CD44: variants seen among roughly 807,000 people sequenced by gnomAD.
CD44 encodes the protein CD44 antigen.
Under a neutral mutation model 88.8 loss-of-function variants are expected in CD44, and 49 were observed. The ratio of observed to expected loss-of-function variants is 0.55; its 90% CI spans 0.44 to 0.70. The LOEUF is 0.70. Among genes scored for constraint, CD44 ranks in the 30% least tolerant of loss-of-function variants. The probability of loss-of-function intolerance (pLI) is 0.00; values close to 1 mark genes in which losing one functional copy is unlikely to be tolerated. For synonymous variants in CD44, 325 were observed against 312.3 expected, an observed-to-expected ratio of 1.04 and a Z score of -0.43; for missense variants, 883 against 913.8, an observed-to-expected ratio of 0.97 and a Z score of 0.43.
chr11:35,181,929 TATATA>T (rs1945134243), intron 3 of CD44, among the ~76,000 whole-genome samples: 15 of 51,592 alleles, frequency 2.9e-4, no homozygotes, highest in Admixed American at 7.2e-4. Flanking sequence ...TATTATATTA[TATATA>T]AATTATATAT....
At chr11:35,145,221 A>G (rs528369220) in intron 1 of CD44, among the ~76,000 whole-genome samples, 1 of 152,248 alleles carries the variant, frequency 6.6e-6, no homozygotes, top group Non-Finnish European at 1.5e-5. Context: ...AACAGGGATC[A>G]TGTCACATTC....
intron 7 of CD44, among the ~76,000 whole-genome samples, chr11:35,200,855 C>A (rs542675156): frequency 6.6e-6 from 1 of 152,094 alleles, no homozygotes; most frequent in South Asian, 2.1e-4. Flanking sequence ...TGTTCTGAAC[C>A]CCAAGGTATT....
At chr11:35,189,795 T>A (rs770679783) in intron 4 of CD44, 40 bp from the exon 5 acceptor site, 2 of 1,333,832 alleles carry the variant, frequency 1.5e-6, no homozygotes, top group African/African-American at 1.5e-5. Flanking sequence ...ACTCAAAATA[T>A]GAGCTGTGAA....
chr11:35,199,894 T>C (rs917558169), intron 7 of CD44, among the ~76,000 whole-genome samples: 2 of 150,816 alleles, frequency 1.3e-5, no homozygotes, highest in African/African-American at 4.9e-5. Flanking sequence ...TGTAAATGAA[T>C]TGTATGGTCA....
chr11:35,146,777 C>A (rs1165937321), intron 1 of CD44, among the ~76,000 whole-genome samples: 1 of 152,112 alleles, frequency 6.6e-6, no homozygotes, highest in Non-Finnish European at 1.5e-5. Context: ...GAAATCCAGA[C>A]GATTGTACCT....
At chr11:35,166,158 G>A (rs918590724) in intron 1 of CD44, among the ~76,000 whole-genome samples, 1 of 152,160 alleles carries the variant, frequency 6.6e-6, no homozygotes, top group South Asian at 2.1e-4. Context: ...GTTTGTGCTA[G>A]TCAATCTGCT....
intron 3 of CD44, among the ~76,000 whole-genome samples, chr11:35,183,032 G>C (rs1254200776): frequency 6.6e-6 from 1 of 152,178 alleles, no homozygotes. Context: ...CAAGAGCATT[G>C]ATTAATTTTC....
At chr11:35,181,849 TTATATATAAA>T (rs1945060221) in intron 3 of CD44, among the ~76,000 whole-genome samples, 2 of 99,796 alleles carry the variant, frequency 2.0e-5, no homozygotes, top group African/African-American at 4.6e-5. Flanking sequence ...AAAATTATAT[TTATATATAAA>T]TTTATATATA....
intron 1 of CD44, among the ~76,000 whole-genome samples, chr11:35,176,192 G>T (rs1190086888): frequency 6.6e-6 from 1 of 152,122 alleles, no homozygotes; most frequent in African/African-American, 2.4e-5. Flanking sequence ...ACAGGCGCCC[G>T]CCACCACGCC....
chr11:35,193,267 G>A (rs1394380835), intron 5 of CD44, among the ~76,000 whole-genome samples: 1 of 152,158 alleles, frequency 6.6e-6, no homozygotes, highest in African/African-American at 2.4e-5. Context: ...AACAAAAAAA[G>A]CTTATAATGT....
intron 1 of CD44, among the ~76,000 whole-genome samples, chr11:35,170,520 C>T (rs1334311296): frequency 6.6e-6 from 1 of 152,186 alleles, no homozygotes; most frequent in Non-Finnish European, 1.5e-5. Context: ...GGGAAGTCTC[C>T]TCTCCAAATC....
chr11:35,204,657 C>A lies in CD44; in HGVS notation c.1282+17C>A, dbSNP rs764575246. 1 of 1,610,760 alleles carries A rather than the reference C, an allele frequency of 6.2e-7. No homozygotes were observed. Among genetic ancestry groups the A allele is most frequent in the Admixed American group, 1.7e-5 (1 of 59,806 alleles). On this transcript the variant is annotated intron_variant, in intron 10 of 17. Coordinates refer to ENST00000428726, the MANE Select transcript of CD44 (RefSeq NM_000610.4). ...GGACAGCTGGTAATGGATGGTTTAACAAGTAAATTTGGATGGAAACTTCCT... is the reference window on the plus strand; with the variant it reads ...GGACAGCTGGTAATGGATGGTTTAAAAAGTAAATTTGGATGGAAACTTCCT...
intron 1 of CD44, among the ~76,000 whole-genome samples, chr11:35,158,934 C>A (rs1942256208): frequency 6.6e-6 from 1 of 152,222 alleles, no homozygotes; most frequent in Admixed American, 6.5e-5. Flanking sequence ...TCAGCAGGAT[C>A]AGCCTCTTCC....
In CD44 at chr11:35,198,155, G is replaced by T. The variant is rs370026708; in HGVS notation, c.831G>T (p.Glu277Asp). 3 of 1,613,844 alleles carry T rather than the reference G, an allele frequency of 1.9e-6. No homozygotes were observed. The highest frequency in any genetic ancestry group is 2.5e-6 in the Non-Finnish European group (3 of 1,179,898). ...CAAATACCATCTCAGCAGGCTGGGA[G>T]CCAAATGAAGAAAATGAAGATGAAA... ...TSSNTISAGW[E>D]PNEENEDERD... The change falls in exon 7 of 18, where the codon GAG becomes GAT. Residue 277 changes from glutamate (E) to aspartate (D), a missense_variant. This residue lies in a region of CD44 where 631 missense variants were observed against 590.9 expected (regional missense o/e 1.07). Coordinates refer to ENST00000428726, the MANE Select transcript of CD44 (RefSeq NM_000610.4).
chr11:35,217,526 A>T (rs1948938618), intron 15 of CD44, among the ~76,000 whole-genome samples: 1 of 151,752 alleles, frequency 6.6e-6, no homozygotes, highest in South Asian at 2.1e-4. Flanking sequence ...TGTTTTGGAG[A>T]TTTGTAAAGT....
chr11:35,144,160 G>A lies in CD44; in HGVS notation c.67+4790G>A, dbSNP rs3829269. Among the ~76,000 whole-genome samples, 395 of 152,354 alleles carry A rather than the reference G, an allele frequency of 2.6e-3. 12 individuals are homozygous for A. In the East Asian group the frequency reaches 0.066, roughly 25 times the overall value. ...AAGGCTGGGGTCCCCTGATGGAGAGGAGGTGGTTGGAGATCACCTGGGCCT... is the reference window on the plus strand; with the variant it reads ...AAGGCTGGGGTCCCCTGATGGAGAGAAGGTGGTTGGAGATCACCTGGGCCT... On this transcript the variant is annotated intron_variant, in intron 1 of 17. Coordinates refer to ENST00000428726, the MANE Select transcript of CD44 (RefSeq NM_000610.4).
chr11:35,206,669 T>TTGGGG (rs1947885112), intron 11 of CD44, among the ~76,000 whole-genome samples: 3 of 146,066 alleles, frequency 2.1e-5, no homozygotes, highest in African/African-American at 5.0e-5. Flanking sequence ...TGGGGGTTGG[T>TTGGGG]GGGGGGGGCA....
intron 1 of CD44, among the ~76,000 whole-genome samples, chr11:35,154,751 CGT>C (rs1190281811): frequency 6.6e-6 from 1 of 152,132 alleles, no homozygotes; most frequent in East Asian, 1.9e-4. Flanking sequence ...TCATGTGTCT[CGT>C]GTGATTGTTA....
intron 15 of CD44, among the ~76,000 whole-genome samples, chr11:35,215,211 G>A (rs1948730280): frequency 6.6e-6 from 1 of 152,194 alleles, no homozygotes; most frequent in Non-Finnish European, 1.5e-5. Flanking sequence ...GGAAAGCCTT[G>A]CATCTGAAAG....
Sources: allele counts gnomAD v4.1 joint callset (sites outside exome capture counted in the v4.1 genomes callset), GRCh38; gene constraint gnomAD v4.1.1; regional missense constraint gnomAD v4.1.1; transcripts MANE v1.5; gene names NCBI Gene and HGNC (gene_info 2026-07-23, HGNC 2026-07-21).